Variants in WDFY3 observed in about 807,000 individuals in gnomAD.
The protein encoded by WDFY3 is WD repeat and FYVE domain-containing protein 3.
Under a neutral mutation model 409.6 loss-of-function variants are expected in WDFY3, and 66 were observed. The observed-to-expected ratio is 0.16, with a 90% CI of 0.13 to 0.20. The LOEUF (loss-of-function observed/expected upper bound fraction) is 0.20. Among genes scored for constraint, WDFY3 ranks in the 10% least tolerant of loss-of-function variants. WDFY3 has a pLI of 1.00. For missense variants in WDFY3, 3,031 were observed against 4,298.1 expected (o/e 0.71, Z 8.24); for synonymous variants, 1,521 against 1,537.1 (o/e 0.99, Z 0.25).
Position 84,789,917 on chromosome 4 carries a change from AG to A in WDFY3, c.3488-11del. On this transcript the variant is annotated splice_polypyrimidine_tract_variant and intron_variant, in intron 21 of 67. Coordinates refer to ENST00000295888, the MANE Select transcript of WDFY3 (RefSeq NM_014991.6). ...TCACTAAAATCATCAACTGAAATAA[AG>A]GGGGGAAGACATAAAAACTTTTTCC... 6.2e-7 allele frequency: 1 copy of A among 1,613,684 alleles called. No individual in the cohort carries two copies. Among genetic ancestry groups the A allele is most frequent in the East Asian group, 2.2e-5 (1 of 44,872 alleles).
At chr4:84,809,370 C>T (rs1382665662) in intron 14 of WDFY3, 3 of 153,146 alleles carry the variant, frequency 2.0e-5, no homozygotes, top group African/African-American at 7.2e-5. Context: ...TTGTTAAGTA[C>T]TTATTTCATG....
At chr4:84,724,746 G>T in intron 45 of WDFY3, 152 bp from the exon 46 acceptor site, 1 of 717,548 alleles carries the variant, frequency 1.4e-6, no homozygotes, top group Non-Finnish European at 2.0e-6. Flanking sequence ...ACACTTTTGG[G>T]TTAAGTTTCT....
chr4:84,787,433 C>T (rs1435569859), intron 23 of WDFY3, 49 bp downstream of exon 23: 1 of 1,552,418 alleles, frequency 6.4e-7, no homozygotes, highest in Non-Finnish European at 8.8e-7. Context: ...ATCTATATTG[C>T]AGGAGTTAAG....
intron 2 of WDFY3, among the ~76,000 whole-genome samples, chr4:84,909,352 T>G (rs1767468259): frequency 6.6e-6 from 1 of 152,092 alleles, no homozygotes; most frequent in Admixed American, 6.6e-5. Flanking sequence ...ACTTCATAAT[T>G]CTAAATACCA....
rs552048493 is a variant in WDFY3 at position 84,958,540 on chromosome 4, C to T, written c.-226+7669G>A. The stretch of plus-strand genomic sequence containing the variant: ...ACAACCAAGAGTGCTAAGGGAACAT[C>T]CAGGAGGGACAACCTAAGTACTATT... On this transcript the variant is annotated intron_variant, in intron 1 of 67. Coordinates refer to ENST00000295888, the MANE Select transcript of WDFY3 (RefSeq NM_014991.6). Among the ~76,000 whole-genome samples, 8 of 152,144 alleles carry T rather than the reference C, an allele frequency of 5.3e-5. No homozygotes were observed. The East Asian group carries it at 1.4e-3, about 26-fold the overall frequency.
At chr4:84,760,346 TTTCTATTGATTGGA>T (rs1452100746) in intron 32 of WDFY3, among the ~76,000 whole-genome samples, 1 of 152,136 alleles carries the variant, frequency 6.6e-6, no homozygotes, top group Non-Finnish European at 1.5e-5. Context: ...ATTCCCTCTT[TTTCTATTGATTGGA>T]ATAGTTTCAG....
At chr4:84,934,654 A>G (rs1447095703) in intron 1 of WDFY3, among the ~76,000 whole-genome samples, 2 of 152,180 alleles carry the variant, frequency 1.3e-5, no homozygotes, top group African/African-American at 4.8e-5. Context: ...ATCTTTTAAT[A>G]TATTAATTAT....
chr4:84,861,983 C>T (rs1293585092), intron 3 of WDFY3, among the ~76,000 whole-genome samples: 1 of 152,200 alleles, frequency 6.6e-6, no homozygotes, highest in Non-Finnish European at 1.5e-5. Flanking sequence ...AAGCAGGCAA[C>T]ACCTGAGATT....
intron 1 of WDFY3, among the ~76,000 whole-genome samples, chr4:84,957,299 T>C (rs921498900): frequency 6.7e-6 from 1 of 150,084 alleles, no homozygotes; most frequent in Non-Finnish European, 1.5e-5. Context: ...CATATCATAA[T>C]GAGACTTCTC....
chr4:84,744,556 A>T (rs561163083), intron 36 of WDFY3, among the ~76,000 whole-genome samples: 26 of 152,252 alleles, frequency 1.7e-4, no homozygotes, highest in Admixed American at 1.4e-3. Context: ...ACCTTTTATT[A>T]AAAAAAGTAA....
intron 56 of WDFY3, 121 bp from the exon 57 acceptor site, chr4:84,696,944 C>T: frequency 2.7e-6 from 2 of 748,910 alleles, no homozygotes; most frequent in Non-Finnish European, 4.3e-6. Context: ...AAATTGTACA[C>T]CAGAAAGGAC....
intron 16 of WDFY3, 109 bp from the exon 17 acceptor site, chr4:84,801,973 G>C (rs138573106): frequency 9.5e-7 from 1 of 1,053,640 alleles, no homozygotes; most frequent in Non-Finnish European, 1.3e-6. Context: ...TTGAGACGGA[G>C]TTTCGCTCTT....
chr4:84,723,617 TAA>T (rs1411423190), intron 46 of WDFY3, among the ~76,000 whole-genome samples: 1 of 151,972 alleles, frequency 6.6e-6, no homozygotes, highest in Non-Finnish European at 1.5e-5. Context: ...TCAAAATTTA[TAA>T]AGTGAGAAAA....
intron 50 of WDFY3, among the ~76,000 whole-genome samples, chr4:84,714,972 A>G (rs1201516532): frequency 6.6e-6 from 1 of 151,868 alleles, no homozygotes; most frequent in African/African-American, 2.4e-5. Flanking sequence ...AAAGAAGAAG[A>G]AAAAAAGAAA....
At chr4:84,713,337 G>T in intron 50 of WDFY3, 98 bp from the exon 51 acceptor site, 1 of 1,061,344 alleles carries the variant, frequency 9.4e-7, no homozygotes, top group Non-Finnish European at 1.5e-6. Context: ...TTTCATAGTT[G>T]CGTCTACCCT....
chr4:84,847,537 C>T (rs1246063270), intron 5 of WDFY3, among the ~76,000 whole-genome samples: 7 of 145,684 alleles, frequency 4.8e-5, no homozygotes, highest in African/African-American at 1.5e-4. Context: ...GAGGCTGAGG[C>T]GGGCGGATCA....
chr4:84,775,328 G>A (rs746424135), intron 27 of WDFY3, among the ~76,000 whole-genome samples, 190 bp from the exon 28 acceptor site: 11 of 151,774 alleles, frequency 7.2e-5, no homozygotes, highest in Non-Finnish European at 1.6e-4. Context: ...CAAAATGATG[G>A]AATTATCACA....
At chr4:84,856,316 T>A (rs1199252473) in intron 4 of WDFY3, among the ~76,000 whole-genome samples, 1 of 152,168 alleles carries the variant, frequency 6.6e-6, no homozygotes, top group Non-Finnish European at 1.5e-5. Flanking sequence ...TTGGTAAACA[T>A]TACATTTTAA....
Position 84,678,902 on chromosome 4 carries a change from A to G in WDFY3, c.10147+17T>C, listed in dbSNP as rs752135865. The G allele has an allele frequency of 2.1e-5, 34 of 1,600,108 alleles. 1 individual carries two copies. The South Asian group carries it at 3.5e-4, about 16-fold the overall frequency. On this transcript the variant is annotated intron_variant, in intron 65 of 67. Transcript: ENST00000295888. Reference sequence around the variant, plus strand: ...CACATATAAGGAGTGAGAAATAGATACCAGACTTCAAGTTACCAGGTTTCA... The same window carrying G: ...CACATATAAGGAGTGAGAAATAGATGCCAGACTTCAAGTTACCAGGTTTCA...
Sources: gnomAD v4.1 joint callset for allele counts (sites outside exome capture counted in the v4.1 genomes callset) on GRCh38, gnomAD v4.1.1 for gene constraint, MANE v1.5 for transcripts, NCBI Gene and HGNC (gene_info 2026-07-23, HGNC 2026-07-21) for gene names.